The following NAT1 variants were observed in gnomAD, a reference collection of about 807,000 sequenced individuals.
NAT1 encodes the protein N-acetyltransferase 1.
For synonymous variants in NAT1, 144 were observed against 122.6 expected (o/e 1.17, Z -1.16); for missense variants, 400 against 339.2 (o/e 1.18, Z -1.41).
chr8:18,222,926 G>T lies in NAT1; in HGVS notation c.*6G>T. 1 of 1,530,342 alleles carries T rather than the reference G, an allele frequency of 6.5e-7. No individual in the cohort carries two copies. The highest frequency in any genetic ancestry group is 2.3e-5 in the East Asian group (1 of 44,258). The allele number at this position is 1,530,342 out of a possible 1,614,324, so 94.8% of individuals were successfully genotyped here. ...ATAGATTTTTTACTATTTAGAATAAGGAGTAAAACAATCTTGTCTATTTGT... is the reference window on the plus strand; with the variant it reads ...ATAGATTTTTTACTATTTAGAATAATGAGTAAAACAATCTTGTCTATTTGT... On this transcript the variant is annotated 3_prime_UTR_variant, in exon 3 of 3. Transcript: ENST00000307719.
chr8:18,195,118 G>T (rs1803180149), intron 2 of NAT1, among the ~76,000 whole-genome samples: 1 of 152,336 alleles, frequency 6.6e-6, no homozygotes, highest in South Asian at 2.1e-4. Flanking sequence ...AAGACCAGGA[G>T]CCTCTGCACA....
At chr8:18,208,344 A>AT (rs1204406577), upstream of NAT1, among the ~76,000 whole-genome samples, 1 of 152,124 alleles carries the variant, frequency 6.6e-6, no homozygotes, top group South Asian at 2.1e-4. Flanking sequence ...AAAAAGTAAA[A>AT]TTTTTTCTAT....
intron 2 of NAT1, among the ~76,000 whole-genome samples, chr8:18,189,674 G>A (rs1048274529): frequency 7.2e-5 from 11 of 152,204 alleles, no homozygotes; most frequent in East Asian, 1.9e-4. Flanking sequence ...TTTTCTCTCC[G>A]AATTCCCTTG....
Position 18,221,987 on chromosome 8 carries a change from C to G in NAT1, c.-6-55C>G, listed in dbSNP as rs568572083. 18 of 1,536,134 alleles carry G rather than the reference C, an allele frequency of 1.2e-5. No homozygotes were observed. The Middle Eastern group carries it at 5.6e-4, about 48-fold the overall frequency. On this transcript the variant is annotated intron_variant, in intron 2 of 2. Coordinates refer to ENST00000307719, the MANE Select transcript of NAT1 (RefSeq NM_000662.8). ...AAAATATAGCCATAATTAGCCTACT[C>G]AAATCCAAGTGTAAAAGTAAAATGA... is the stretch of plus-strand genomic sequence containing the variant.
intron 2 of NAT1, among the ~76,000 whole-genome samples, chr8:18,198,826 A>G (rs1803342380): frequency 6.6e-6 from 1 of 152,176 alleles, no homozygotes; most frequent in South Asian, 2.1e-4. Flanking sequence ...CTTTTTGGTG[A>G]TGGAAGCTCA....
upstream of NAT1, among the ~76,000 whole-genome samples, chr8:18,209,457 G>A (rs755346656): frequency 1.2e-4 from 18 of 152,208 alleles, no homozygotes; most frequent in Non-Finnish European, 2.6e-4. Context: ...CATGTATATT[G>A]GGTCAATAAA....
intron 2 of NAT1, among the ~76,000 whole-genome samples, chr8:18,181,008 C>A (rs563814247): frequency 1.2e-4 from 18 of 151,076 alleles, no homozygotes; most frequent in African/African-American, 4.2e-4. Context: ...GTTCTATACA[C>A]ATTTTAGAAT....
upstream of NAT1, among the ~76,000 whole-genome samples, chr8:18,208,959 C>G (rs368850118): frequency 3.7e-4 from 56 of 152,224 alleles, no homozygotes; most frequent in East Asian, 5.4e-3. Flanking sequence ...AAGGACGTAC[C>G]AGTGCAGGAG....
chr8:18,179,867 C>T (rs898431876), intron 2 of NAT1, among the ~76,000 whole-genome samples: 1 of 152,148 alleles, frequency 6.6e-6, no homozygotes, highest in African/African-American at 2.4e-5. Context: ...CTGTTTCTGC[C>T]TGCCTCTAAT....
chr8:18,209,017 T>G (rs1043379939), upstream of NAT1, among the ~76,000 whole-genome samples: 20 of 152,276 alleles, frequency 1.3e-4, no homozygotes, highest in African/African-American at 4.6e-4. Flanking sequence ...CAATAAAGGG[T>G]GCATCATTGG....
chr8:18,186,817 AGC>A (rs1802757234), intron 2 of NAT1, among the ~76,000 whole-genome samples: 1 of 152,224 alleles, frequency 6.6e-6, no homozygotes, highest in Admixed American at 6.5e-5. Context: ...TAATCTAAAG[AGC>A]TTTCGCACAG....
At chr8:18,187,760 C>T (rs1256209577) in intron 2 of NAT1, among the ~76,000 whole-genome samples, 1 of 151,958 alleles carries the variant, frequency 6.6e-6, no homozygotes, top group Non-Finnish European at 1.5e-5. Flanking sequence ...GGGTACTATG[C>T]ATATTACCCG....
chr8:18,203,709 G>T (rs1803576372), intron 2 of NAT1, among the ~76,000 whole-genome samples: 2 of 152,160 alleles, frequency 1.3e-5, no homozygotes, highest in African/African-American at 4.8e-5. Context: ...ACCCAAATGG[G>T]CCCTACCCTT....
At chr8:18,198,357 G>A (rs1387799531) in intron 2 of NAT1, among the ~76,000 whole-genome samples, 2 of 152,164 alleles carry the variant, frequency 1.3e-5, no homozygotes, top group Non-Finnish European at 2.9e-5. Flanking sequence ...AAGTCACTGA[G>A]TTATGAATGG....
chr8:18,191,081 G>GA (rs1166522861), intron 2 of NAT1, among the ~76,000 whole-genome samples: 3 of 151,062 alleles, frequency 2.0e-5, no homozygotes, highest in Non-Finnish European at 3.0e-5. Flanking sequence ...AGAAAAAAAA[G>GA]AAAAAAAAGA....
At position 18,203,230 on chromosome 8, in the gene NAT1, A is replaced by C. The variant is rs78856325; in HGVS notation, n.93-6551A>C. On this transcript the variant is annotated intron_variant and non_coding_transcript_variant, in intron 2 of 4. Coordinates refer to the NAT1 transcript ENST00000517441. The stretch of plus-strand genomic sequence containing the variant: ...TGAAAGAGCTCTAATTAATTGGCTT[A>C]AAGAAAAAGTAAATGCTGAAATAAA... Among the ~76,000 whole-genome samples, 1,302 of 152,338 alleles carry C rather than the reference A, an allele frequency of 8.5e-3. 16 individuals carry two copies. The highest frequency in any genetic ancestry group is 0.029 in the African/African-American group (1,223 of 41,566).
chr8:18,180,999 T>C (rs1403533853), intron 2 of NAT1, among the ~76,000 whole-genome samples: 3 of 152,136 alleles, frequency 2.0e-5, no homozygotes, highest in African/African-American at 7.2e-5. Flanking sequence ...TCTTTTGTAG[T>C]TCTATACACA....
intron 2 of NAT1, among the ~76,000 whole-genome samples, chr8:18,183,857 G>A (rs531771316): frequency 6.6e-6 from 1 of 152,262 alleles, no homozygotes; most frequent in Admixed American, 6.5e-5. Flanking sequence ...AAAAAATCTT[G>A]ACTCTATGGC....
At chr8:18,190,370 G>A (rs956650091) in intron 2 of NAT1, among the ~76,000 whole-genome samples, 2 of 152,216 alleles carry the variant, frequency 1.3e-5, no homozygotes, top group East Asian at 3.9e-4. Context: ...GAAGTCCTGG[G>A]CAGCTTTGAA....
Sources: gnomAD v4.1 joint callset for allele counts (sites outside exome capture counted in the v4.1 genomes callset) on GRCh38, gnomAD v4.1.1 for gene constraint, MANE v1.5 for transcripts, NCBI Gene and HGNC (gene_info 2026-07-23, HGNC 2026-07-21) for gene names.